Variants in SHANK2 observed in about 807,000 individuals in gnomAD.
The protein encoded by SHANK2 is SH3 and multiple ankyrin repeat domains protein 2.
Under a neutral mutation model 133.7 loss-of-function variants are expected in SHANK2, and 43 were observed. The observed-to-expected ratio is 0.32, with a 90% CI of 0.25 to 0.41. The LOEUF is 0.41. Among genes scored for constraint, SHANK2 ranks in the 10% least tolerant of loss-of-function variants. SHANK2 has a pLI of 1.00. For synonymous variants in SHANK2, 1,017 were observed against 952.8 expected (o/e 1.07, Z -1.24); for missense variants, 1,994 against 2,235.8 (o/e 0.89, Z 2.18).
intron 14 of SHANK2, among the ~76,000 whole-genome samples, chr11:70,732,864 G>A (rs1196779185): frequency 3.3e-5 from 5 of 152,228 alleles, no homozygotes; most frequent in East Asian, 1.9e-4. Flanking sequence ...CAGGCCTGCC[G>A]GCTCTGTGAG....
intron 11 of SHANK2, chr11:70,826,545 T>C (rs1000366076): frequency 2.1e-6 from 1 of 470,968 alleles, no homozygotes; most frequent in Non-Finnish European, 4.4e-6. Context: ...TTATATAACC[T>C]TCCTGGATGG....
chr11:71,226,366 G>A (rs1244588924), intron 1 of SHANK2, among the ~76,000 whole-genome samples: 2 of 152,156 alleles, frequency 1.3e-5, no homozygotes, highest in Admixed American at 1.3e-4. Context: ...AATCCCAGAA[G>A]GAGAGAGAAG....
At chr11:70,943,465 C>A (rs1950675383) in intron 10 of SHANK2, among the ~76,000 whole-genome samples, 1 of 152,126 alleles carries the variant, frequency 6.6e-6, no homozygotes, top group African/African-American at 2.4e-5. Flanking sequence ...AGGCCAAACC[C>A]AGGAGGAACC....
chr11:70,555,130 G>A (rs1565125902), intron 17 of SHANK2, among the ~76,000 whole-genome samples: 1 of 151,992 alleles, frequency 6.6e-6, no homozygotes, highest in Non-Finnish European at 1.5e-5. Context: ...CAAATAAGAT[G>A]GTGAATTTAA....
intron 14 of SHANK2, among the ~76,000 whole-genome samples, chr11:70,707,964 G>C (rs923075502): frequency 5.9e-5 from 9 of 152,180 alleles, no homozygotes; most frequent in Admixed American, 5.9e-4. Flanking sequence ...TGGGAATCTG[G>C]AGTAGATGTG....
At chr11:70,474,078 A>C (rs1157215573) in intron 25 of SHANK2, 4 of 174,670 alleles carry the variant, frequency 2.3e-5, no homozygotes, top group Non-Finnish European at 5.0e-5. Flanking sequence ...TCAGGGGTTG[A>C]GATCACCCGG....
In SHANK2 at chr11:70,686,259, C is replaced by T. The variant is rs541254606; in HGVS notation, c.1853+12429G>A. Among the ~76,000 whole-genome samples the T allele has an allele frequency of 9.2e-5, 12 of 130,358 alleles. No homozygotes were observed. In the East Asian group the frequency reaches 2.8e-3, roughly 31 times the overall value. The allele number at this position is 130,358 out of a possible 152,430, so 85.5% of individuals were successfully genotyped here. ...CCACCCACCCACCCACCCATCCACA[C>T]ACCCATCCAGCTCCCTATCTATCCA... On this transcript the variant is annotated intron_variant, in intron 15 of 25. Coordinates refer to ENST00000601538, the MANE Select transcript of SHANK2 (RefSeq NM_012309.5).
In SHANK2 at chr11:70,517,099, A is replaced by G. The variant is rs116605597; in HGVS notation, c.2062-14168T>C. On this transcript the variant is annotated intron_variant, in intron 17 of 25. Transcript: ENST00000601538. Reference sequence around the variant, plus strand: ...AATATCTGAATAGACAACTCACCAAAGAAGATACACAGATGGCAAATAAAT... The same window carrying G: ...AATATCTGAATAGACAACTCACCAAGGAAGATACACAGATGGCAAATAAAT... 5.5e-3 allele frequency among the ~76,000 whole-genome samples: 841 copies of G among 152,312 alleles called. 13 individuals are homozygous for G. Among genetic ancestry groups the G allele is most frequent in the African/African-American group, 0.019 (805 of 41,576 alleles).
chr11:70,556,017 GAAACAGC>G (rs2059824451), intron 17 of SHANK2, among the ~76,000 whole-genome samples: 1 of 152,230 alleles, frequency 6.6e-6, no homozygotes, highest in South Asian at 2.1e-4. Flanking sequence ...AGTGCGAGGT[GAAACAGC>G]AAGTGCTGAT....
intron 17 of SHANK2, among the ~76,000 whole-genome samples, chr11:70,607,542 G>A (rs2060595212): frequency 6.6e-6 from 1 of 152,202 alleles, no homozygotes; most frequent in Non-Finnish European, 1.5e-5. Flanking sequence ...GGGCCTGTTT[G>A]CCAGCATTTA....
At chr11:70,514,423 A>T (rs2059241280) in intron 17 of SHANK2, among the ~76,000 whole-genome samples, 1 of 152,240 alleles carries the variant, frequency 6.6e-6, no homozygotes, top group South Asian at 2.1e-4. Flanking sequence ...GGATGGCACA[A>T]AGGGTGCCAC....
chr11:70,935,113 T>C (rs1184147160), intron 10 of SHANK2, among the ~76,000 whole-genome samples: 3 of 152,150 alleles, frequency 2.0e-5, no homozygotes, highest in African/African-American at 7.2e-5. Context: ...AAATAAACAA[T>C]TCACCTGTTT....
chr11:70,587,312 A>G (rs1313103048), intron 17 of SHANK2, among the ~76,000 whole-genome samples: 1 of 152,242 alleles, frequency 6.6e-6, no homozygotes, highest in Non-Finnish European at 1.5e-5. Flanking sequence ...AGCCTGGCCA[A>G]CAGGACCCCT....
intron 8 of SHANK2, among the ~76,000 whole-genome samples, chr11:71,088,890 G>T (rs1451530493): frequency 6.8e-6 from 1 of 147,588 alleles, no homozygotes; most frequent in Non-Finnish European, 1.5e-5. Flanking sequence ...ACTTGACCTT[G>T]TGGGTGACTG....
At chr11:70,521,525 C>T (rs2059330068) in intron 17 of SHANK2, among the ~76,000 whole-genome samples, 1 of 152,242 alleles carries the variant, frequency 6.6e-6, no homozygotes, top group Non-Finnish European at 1.5e-5. Context: ...CTCTCTTCTA[C>T]TTCCTCTTCT....
chr11:70,702,289 C>T (rs1157383504), intron 14 of SHANK2, among the ~76,000 whole-genome samples: 1 of 139,200 alleles, frequency 7.2e-6, no homozygotes, highest in Non-Finnish European at 1.6e-5. Flanking sequence ...ATCATCACCA[C>T]CATCTTCTTC....
intron 9 of SHANK2, among the ~76,000 whole-genome samples, chr11:71,060,373 T>C (rs909579556): frequency 0.38 from 57,209 of 152,136 alleles, 11,754 homozygotes; most frequent in Non-Finnish European, 0.44. Context: ...GCTGCATCCC[T>C]AGAACGGTCT....
At chr11:70,902,663 T>A (rs578236846) in intron 10 of SHANK2, among the ~76,000 whole-genome samples, 2,017 of 152,318 alleles carry the variant, frequency 0.013, 44 homozygotes, top group African/African-American at 0.045. Flanking sequence ...CACAGGATTT[T>A]TTTTGTGGGA....
intron 14 of SHANK2, among the ~76,000 whole-genome samples, chr11:70,708,271 G>A (rs1565258330): frequency 6.6e-6 from 1 of 152,016 alleles, no homozygotes; most frequent in African/African-American, 2.4e-5. Flanking sequence ...GTCCTGGCTC[G>A]GTGGCCCATT....
Sources: allele counts gnomAD v4.1 joint callset (sites outside exome capture counted in the v4.1 genomes callset), GRCh38; gene constraint gnomAD v4.1.1; transcripts MANE v1.5; gene names NCBI Gene and HGNC (gene_info 2026-07-23, HGNC 2026-07-21).